MTFR2: variants seen among roughly 807,000 people sequenced by gnomAD.
MTFR2 encodes DUF729 domain-containing protein 1.
Under a neutral mutation model 41.2 loss-of-function variants are expected in MTFR2, and 44 were observed. The observed-to-expected ratio is 1.07, with a 90% CI of 0.84 to 1.37. The LOEUF (loss-of-function observed/expected upper bound fraction) is 1.37. MTFR2 is among the 40% of genes most tolerant of loss of function. The probability of loss-of-function intolerance (pLI) is 0.00; values close to 1 mark genes in which losing one functional copy is unlikely to be tolerated. For missense variants in MTFR2, 452 were observed against 459.5 expected (o/e 0.98, Z 0.15); for synonymous variants, 141 against 154.6 (o/e 0.91, Z 0.65).
At chr6:136,246,216 T>C (rs573723431) in intron 2 of MTFR2, among the ~76,000 whole-genome samples, 1 of 152,282 alleles carries the variant, frequency 6.6e-6, no homozygotes, top group East Asian at 1.9e-4. Context: ...AATAAACTCT[T>C]GTCCTTCCTC....
Position 136,237,907 on chromosome 6 carries a change from G to C in MTFR2, c.869+1559C>G, listed in dbSNP as rs567747374. ...TTCTCAGGAAGCTATAGGAAGATAT[G>C]ACATTTAGGAAATCAGTGATGCAGC... is the stretch of plus-strand genomic sequence containing the variant. On this transcript the variant is annotated intron_variant, in intron 6 of 7. Transcript: ENST00000420702. 2.6e-5 allele frequency among the ~76,000 whole-genome samples: 4 copies of C among 152,210 alleles called. No homozygotes were observed. The South Asian group carries it at 8.3e-4, about 32-fold the overall frequency.
chr6:136,231,690 AAAG>A lies in MTFR2; in HGVS notation c.1045-305_1045-303del, dbSNP rs1221616003. ...TATGTAAAAAAAAAAAAAAAAAAAAAAAGAAGATTATCTAAAATACTTGTAATT... is the reference window on the plus strand; with the variant it reads ...TATGTAAAAAAAAAAAAAAAAAAAAAAAGATTATCTAAAATACTTGTAATT... On this transcript the variant is annotated intron_variant, in intron 7 of 7. Coordinates refer to ENST00000420702, the MANE Select transcript of MTFR2 (RefSeq NM_001099286.3). Among the ~76,000 whole-genome samples, 545 of 149,292 alleles carry A rather than the reference AAAG, an allele frequency of 3.7e-3. 5 individuals are homozygous for A. Among genetic ancestry groups the A allele is most frequent in the Admixed American group, 0.024 (360 of 14,948 alleles).
At chr6:136,231,418 A>T in intron 7 of MTFR2, 30 bp from the exon 8 acceptor site, 1 of 1,371,876 alleles carries the variant, frequency 7.3e-7, no homozygotes, top group Non-Finnish European at 1.0e-6. Context: ...TAACACAGAA[A>T]TTATTCTAAT....
intron 3 of MTFR2, among the ~76,000 whole-genome samples, chr6:136,244,049 GTAT>G (rs1333830081): frequency 1.3e-5 from 2 of 152,044 alleles, no homozygotes; most frequent in Admixed American, 6.5e-5. Context: ...TTTAAGATAA[GTAT>G]TATTACAAAA....
rs368956906 is a variant in MTFR2 at position 136,233,501 on chromosome 6, T to C, written c.870-2A>G. ...TGAATGGGTCTACCGCCAGGTGACC[T>C]ATTTTTTAAAAAAAAAAATTGAATT... On this transcript the variant is annotated splice_acceptor_variant, in intron 6 of 7. Transcript: ENST00000420702. LOFTEE classifies it high-confidence loss of function. 6.8e-7 allele frequency: 1 copy of C among 1,471,704 alleles called. No individual in the cohort carries two copies. The highest frequency in any genetic ancestry group is 9.1e-7 in the Non-Finnish European group (1 of 1,103,304). The allele number at this position is 1,471,704 out of a possible 1,614,324, so 91.2% of individuals were successfully genotyped here. A position where few individuals can be genotyped will look rare whatever the true frequency, so the allele number is the denominator to read the frequency against.
rs577020975 is a variant in MTFR2 at position 136,248,730 on chromosome 6, T to C, written c.63+307A>G. 34 of 325,208 alleles carry C rather than the reference T, an allele frequency of 1.0e-4. 1 individual carries two copies. The highest frequency in any genetic ancestry group is 6.6e-4 in the African/African-American group (30 of 45,206). The allele number at this position is 325,208 out of a possible 1,614,324, so 20.1% of individuals were successfully genotyped here. On this transcript the variant is annotated intron_variant, in intron 2 of 7. Coordinates refer to ENST00000420702, the MANE Select transcript of MTFR2 (RefSeq NM_001099286.3). ...GAGCTTTAAATATTGAACTTGTTTA[T>C]AAATTACCTTGAATAGAAGTTTTAA...
chr6:136,239,359 GAAGAAT>G (rs1779987093), intron 6 of MTFR2, 101 bp downstream of exon 6: 1 of 815,578 alleles, frequency 1.2e-6, no homozygotes. Context: ...CAGGGGTGAA[GAAGAAT>G]AAGAAAAAAG....
chr6:136,233,604 G>A, intron 6 of MTFR2, 105 bp from the exon 7 acceptor site: 1 of 832,014 alleles, frequency 1.2e-6, no homozygotes, highest in Non-Finnish European at 1.7e-6. Context: ...AATTTAATTA[G>A]TCTTCAAGAG....
At chr6:136,246,661 C>A (rs1353741548) in intron 2 of MTFR2, among the ~76,000 whole-genome samples, 1 of 152,112 alleles carries the variant, frequency 6.6e-6, no homozygotes, top group Non-Finnish European at 1.5e-5. Flanking sequence ...AATTTTCCTA[C>A]CAAGCATGGA....
chr6:136,244,922 T>A, intron 2 of MTFR2, 53 bp from the exon 3 acceptor site: 2 of 1,324,288 alleles, frequency 1.5e-6, no homozygotes, highest in Admixed American at 2.4e-5. Context: ...AGCATATTTA[T>A]ATAAGTATGA....
chr6:136,234,359 T>C (rs1353916071), intron 6 of MTFR2, among the ~76,000 whole-genome samples: 1 of 147,402 alleles, frequency 6.8e-6, no homozygotes, highest in African/African-American at 2.5e-5. Context: ...AATGTAATAG[T>C]GATTAGGGAC....
chr6:136,247,915 T>A (rs1780255457), intron 2 of MTFR2, among the ~76,000 whole-genome samples: 2 of 152,222 alleles, frequency 1.3e-5, no homozygotes, highest in Admixed American at 6.5e-5. Flanking sequence ...TCCTACATAC[T>A]AAAACCATAT....
rs1779826230 is a variant in MTFR2, at chr6:136,233,557, T to C, written c.870-58A>G. On this transcript the variant is annotated intron_variant, in intron 6 of 7. Transcript: ENST00000420702. ...AAACTTGGATGTAATTTTAGCTCCT[T>C]GTTGACAAACATGGCAGGAATACAA... 14 of 1,316,716 alleles carry C rather than the reference T, an allele frequency of 1.1e-5. No individual in the cohort carries two copies. In the Middle Eastern group the frequency reaches 8.4e-4, roughly 79 times the overall value. The allele number at this position is 1,316,716 out of a possible 1,614,324, so 81.6% of individuals were successfully genotyped here.
intron 6 of MTFR2, among the ~76,000 whole-genome samples, chr6:136,238,342 C>T (rs886575528): frequency 2.6e-5 from 4 of 152,184 alleles, no homozygotes; most frequent in African/African-American, 9.7e-5. Context: ...GACACAGTGG[C>T]TCTTGCCTGT....
Position 136,233,515 on chromosome 6 carries a change from A to G in MTFR2, c.870-16T>C, listed in dbSNP as rs1401787302. 3 of 1,471,366 alleles carry G rather than the reference A, an allele frequency of 2.0e-6. No homozygotes were observed. The highest frequency in any genetic ancestry group is 4.6e-5 in the Admixed American group (2 of 43,216). The allele number at this position is 1,471,366 out of a possible 1,614,324, so 91.1% of individuals were successfully genotyped here. ...GCCAGGTGACCTATTTTTTAAAAAA[A>G]AAAATTGAATTTATTAAAACTTGGA... On this transcript the variant is annotated splice_polypyrimidine_tract_variant and intron_variant, in intron 6 of 7. Transcript: ENST00000420702.
chr6:136,242,495 T>C (rs1330233673), intron 4 of MTFR2, among the ~76,000 whole-genome samples: 2 of 152,184 alleles, frequency 1.3e-5, no homozygotes, highest in East Asian at 1.9e-4. Flanking sequence ...AGAGCCTGTA[T>C]CTGAATATAC....
chr6:136,240,927 T>TAA, intron 5 of MTFR2, among the ~76,000 whole-genome samples: 1 of 152,196 alleles, frequency 6.6e-6, no homozygotes, highest in South Asian at 2.1e-4. Context: ...CCGTCTCTAC[T>TAA]AAAAATACAA....
chr6:136,248,487 G>A (rs1258484465), intron 2 of MTFR2, among the ~76,000 whole-genome samples: 3 of 152,210 alleles, frequency 2.0e-5, no homozygotes, highest in African/African-American at 7.2e-5. Flanking sequence ...TCTCTTGCCT[G>A]CCACCATGTA....
At chr6:136,242,549 T>C (rs969828727) in intron 4 of MTFR2, among the ~76,000 whole-genome samples, 1 of 152,158 alleles carries the variant, frequency 6.6e-6, no homozygotes, top group African/African-American at 2.4e-5. Context: ...CATCCAAATT[T>C]TGAAATACAT....
Sources: gnomAD v4.1 joint callset for allele counts (sites outside exome capture counted in the v4.1 genomes callset) on GRCh38, gnomAD v4.1.1 for gene constraint, MANE v1.5 for transcripts, NCBI Gene and HGNC (gene_info 2026-07-23, HGNC 2026-07-21) for gene names.